Variants in APBB2 observed in about 807,000 individuals in gnomAD.
APBB2 encodes the protein amyloid beta precursor protein binding family B member 2.
APBB2 carries 38 observed loss-of-function variants against 82.5 expected under a neutral mutation model. The observed-to-expected ratio is 0.46, with a 90% CI of 0.36 to 0.60. APBB2 has a LOEUF of 0.60. APBB2 is among the 20% of genes least tolerant of loss of function. APBB2 has a pLI of 0.00. For synonymous variants in APBB2, 341 were observed against 368.2 expected, an observed-to-expected ratio of 0.93 and a Z score of 0.85; for missense variants, 772 against 972.3, an observed-to-expected ratio of 0.79 and a Z score of 2.74.
chr4:40,873,401 T>C lies in APBB2; in HGVS notation c.1529+16963A>G, dbSNP rs114008885. Among the ~76,000 whole-genome samples the C allele has an allele frequency of 6.7e-3, 1,026 of 152,362 alleles. 16 individuals carry two copies. The highest frequency in any genetic ancestry group is 0.023 in the African/African-American group (976 of 41,574). The stretch of plus-strand genomic sequence containing the variant: ...ATTTAATTAATAGTATCAGGTTTTA[T>C]CTTTCTTAATAAATAACTTCTACAG... On this transcript the variant is annotated intron_variant, in intron 12 of 17. Coordinates refer to ENST00000508593, the MANE Select transcript of APBB2 (RefSeq NM_004307.2).
At chr4:41,160,052 C>T (rs1473127797) in intron 1 of APBB2, among the ~76,000 whole-genome samples, 1 of 147,918 alleles carries the variant, frequency 6.8e-6, no homozygotes, top group Admixed American at 6.7e-5. Context: ...TCACAGGATG[C>T]TGTTTTGCGG....
intron 5 of APBB2, among the ~76,000 whole-genome samples, chr4:41,024,649 A>G (rs147273404): frequency 6.6e-6 from 1 of 152,354 alleles, no homozygotes; most frequent in East Asian, 1.9e-4. Flanking sequence ...CCTTCAACAT[A>G]GGGAGAAGAA....
chr4:40,898,686 C>T (rs1384563852), intron 10 of APBB2, among the ~76,000 whole-genome samples: 9 of 151,890 alleles, frequency 5.9e-5, no homozygotes, highest in East Asian at 3.9e-4. Flanking sequence ...ACGATACATA[C>T]GAATATATGA....
In APBB2 at chr4:40,863,211, C is replaced by T. The variant is rs191506601; in HGVS notation, c.1529+27153G>A. On this transcript the variant is annotated intron_variant, in intron 12 of 17. Transcript: ENST00000508593. The stretch of plus-strand genomic sequence containing the variant: ...TAAGCACTTAATAATGAAGTACATT[C>T]GGGACAAAGTGGCATGCATCTATAC... 2.1e-3 allele frequency among the ~76,000 whole-genome samples: 314 copies of T among 152,200 alleles called. 2 individuals carry two copies. Among genetic ancestry groups the T allele is most frequent in the Non-Finnish European group, 1.9e-3 (127 of 68,014 alleles).
At chr4:40,843,302 C>CT (rs1756492083) in intron 12 of APBB2, among the ~76,000 whole-genome samples, 1 of 152,168 alleles carries the variant, frequency 6.6e-6, no homozygotes, top group Admixed American at 6.5e-5. Context: ...AGGGATGGAG[C>CT]TAAAATCATG....
intron 3 of APBB2, among the ~76,000 whole-genome samples, chr4:41,079,133 C>T (rs559395634): frequency 3.9e-5 from 6 of 152,332 alleles, no homozygotes; most frequent in African/African-American, 1.4e-4. Context: ...AGCACGAACA[C>T]TAATGTCCAG....
intron 7 of APBB2, among the ~76,000 whole-genome samples, chr4:40,938,498 C>A (rs956085234): frequency 5.3e-5 from 8 of 152,174 alleles, no homozygotes; most frequent in African/African-American, 1.4e-4. Flanking sequence ...GAAAGCAATT[C>A]CACATAGCAA....
chr4:40,999,805 T>C (rs76707137), intron 6 of APBB2, among the ~76,000 whole-genome samples: 4,689 of 152,246 alleles, frequency 0.031, 243 homozygotes, highest in African/African-American at 0.11. Flanking sequence ...CGCTATTACC[T>C]TGAATTTGTT....
intron 1 of APBB2, among the ~76,000 whole-genome samples, chr4:41,203,138 T>C (rs1171525088): frequency 6.6e-6 from 1 of 151,990 alleles, no homozygotes; most frequent in Non-Finnish European, 1.5e-5. Context: ...AAGATAAAAA[T>C]TCAATAAAAC....
At position 40,826,115 on chromosome 4, in the gene APBB2, C is replaced by T; in HGVS notation, c.1733-145G>A. On this transcript the variant is annotated intron_variant, in intron 14 of 17. Coordinates refer to ENST00000508593, the MANE Select transcript of APBB2 (RefSeq NM_004307.2). The surrounding 1 kb of genome is among the most constrained non-coding windows in gnomAD (Gnocchi z 4.5). ...TCTGGATGTAAATGTAACAACTATT[C>T]TACAAGAGCAGCATTACTCCAGATA... 2 of 668,148 alleles carry T rather than the reference C, an allele frequency of 3.0e-6. No homozygotes were observed. The highest frequency in any genetic ancestry group is 5.5e-6 in the Non-Finnish European group (2 of 364,068). The allele number at this position is 668,148 out of a possible 1,614,324, so 41.4% of individuals were successfully genotyped here. A position where few individuals can be genotyped will look rare whatever the true frequency, so the allele number is the denominator to read the frequency against.
chr4:41,035,689 C>T (rs889200931), intron 4 of APBB2, among the ~76,000 whole-genome samples: 19 of 152,138 alleles, frequency 1.2e-4, no homozygotes, highest in Non-Finnish European at 2.5e-4. Flanking sequence ...TCCGTATCCT[C>T]GGGTTCTACA....
chr4:40,914,118 C>G (rs767600908), intron 10 of APBB2, among the ~76,000 whole-genome samples: 40 of 152,238 alleles, frequency 2.6e-4, no homozygotes, highest in Admixed American at 1.2e-3. Context: ...CACCTGTAAT[C>G]CCAGCACTTT....
intron 12 of APBB2, among the ~76,000 whole-genome samples, chr4:40,871,772 C>T (rs1205103387): frequency 6.6e-6 from 1 of 152,128 alleles, no homozygotes; most frequent in Non-Finnish European, 1.5e-5. Context: ...CTCATTCTCC[C>T]CTTCAGATAA....
intron 3 of APBB2, among the ~76,000 whole-genome samples, chr4:41,088,884 C>T (rs537870632): frequency 2.0e-5 from 3 of 152,302 alleles, no homozygotes; most frequent in South Asian, 4.1e-4. Context: ...GGCAGCAATG[C>T]TTAGCAGGGT....
At chr4:41,175,348 C>A (rs1367332486) in intron 1 of APBB2, among the ~76,000 whole-genome samples, 1 of 152,100 alleles carries the variant, frequency 6.6e-6, no homozygotes, top group Non-Finnish European at 1.5e-5. Context: ...TTTAGAAATT[C>A]TTCCCTATAT....
chr4:40,846,326 C>CAAAAAAAAAAAA (rs3086182), intron 12 of APBB2, among the ~76,000 whole-genome samples: 1 of 62,516 alleles, frequency 1.6e-5, no homozygotes, highest in Non-Finnish European at 3.0e-5. Flanking sequence ...GAAAACACTC[C>CAAAAAAAAAAAA]AAAAAAAAAA....
chr4:41,066,509 T>G (rs1165104032), intron 3 of APBB2, among the ~76,000 whole-genome samples: 2 of 152,294 alleles, frequency 1.3e-5, no homozygotes, highest in Non-Finnish European at 2.9e-5. Flanking sequence ...CTGGCCACCC[T>G]AGGGCCATGG....
chr4:41,183,928 A>C (rs537855563), intron 1 of APBB2, among the ~76,000 whole-genome samples: 1 of 152,178 alleles, frequency 6.6e-6, no homozygotes, highest in African/African-American at 2.4e-5. Flanking sequence ...TTTATAATGA[A>C]ATAATTATAC....
Position 41,025,691 on chromosome 4 carries a change from G to A in APBB2, c.19+7545C>T, listed in dbSNP as rs183024916. 1.7e-3 allele frequency among the ~76,000 whole-genome samples: 259 copies of A among 151,990 alleles called. 2 individuals are homozygous for A. Among genetic ancestry groups the A allele is most frequent in the African/African-American group, 6.1e-3 (251 of 41,458 alleles). ...CCTAGCACTTTGGGAGGCTGAGGTG[G>A]GTGGATCACCTCAGGTCAGGAGTTT... On this transcript the variant is annotated intron_variant, in intron 5 of 17. Transcript: ENST00000508593.
Sources: gnomAD v4.1 joint callset for allele counts (sites outside exome capture counted in the v4.1 genomes callset) on GRCh38, gnomAD v4.1.1 for gene constraint, Gnocchi (gnomAD v3.1) non-coding constraint, MANE v1.5 for transcripts, NCBI Gene and HGNC (gene_info 2026-07-23, HGNC 2026-07-21) for gene names.